CEP97: variants seen among roughly 807,000 people sequenced by gnomAD.
The protein encoded by CEP97 is centrosomal protein 97, also known as centrosomal protein of 97 kDa.
In CEP97, 43 loss-of-function variants were observed where a neutral mutation model predicts 73.1. The ratio of observed to expected loss-of-function variants is 0.59; its 90% CI spans 0.46 to 0.76. The LOEUF (loss-of-function observed/expected upper bound fraction) is 0.76, where lower values mean the gene tolerates loss of function less well. Ranked by LOEUF, CEP97 falls within the 30% of genes least tolerant of loss-of-function variation. The pLI, the probability that CEP97 is intolerant of heterozygous loss-of-function variation, is 0.00. For missense variants in CEP97, 939 were observed against 1,014.0 expected (o/e 0.93, Z 1.00); for synonymous variants, 337 against 370.0 (o/e 0.91, Z 1.02).
chr3:101,754,763 A>G (rs1938956602), intron 6 of CEP97, among the ~76,000 whole-genome samples: 1 of 152,168 alleles, frequency 6.6e-6, no homozygotes, highest in Admixed American at 6.5e-5. Context: ...TGAAGAAGTC[A>G]GAGTATTTGT....
At chr3:101,762,240 G>A (rs566374471) in intron 9 of CEP97, among the ~76,000 whole-genome samples, 17 of 151,958 alleles carry the variant, frequency 1.1e-4, no homozygotes, top group Admixed American at 4.6e-4. Context: ...TATCTCCTTT[G>A]GCTTCTACTT....
chr3:101,760,358 T>C (rs1324908307), intron 9 of CEP97, among the ~76,000 whole-genome samples: 1 of 152,076 alleles, frequency 6.6e-6, no homozygotes, highest in Non-Finnish European at 1.5e-5. Context: ...TGCTTAAAAG[T>C]GCAAAACAAT....
intron 6 of CEP97, among the ~76,000 whole-genome samples, chr3:101,737,840 A>G (rs13062444): frequency 0.25 from 38,208 of 151,896 alleles, 6,001 homozygotes; most frequent in Non-Finnish European, 0.34. Context: ...ACACATAACA[A>G]TATTAACCTT....
rs138660878 is a variant in CEP97, at chr3:101,755,587, A to C, written c.886A>C (p.Lys296Gln). The C allele has an allele frequency of 6.2e-7, 1 of 1,614,090 alleles. No homozygotes were observed. Among genetic ancestry groups the C allele is most frequent in the African/African-American group, 1.3e-5 (1 of 75,062 alleles). Residue 296 changes from lysine (K) to glutamine (Q), a missense_variant, in exon 7 of 11, where the codon AAA becomes CAA. Physicochemically the swap from Lys to Gln is moderately conservative, Grantham distance 53. Coordinates refer to ENST00000341893, the MANE Select transcript of CEP97 (RefSeq NM_024548.4). ...EDAKLEKILS[K>Q]QRFHQRQLMN... Reference sequence around the variant, plus strand: ...TGCCAAACTAGAGAAGATTTTGAGCAAACAGAGGTAAGCCCATTTATTTCT... The same window carrying C: ...TGCCAAACTAGAGAAGATTTTGAGCCAACAGAGGTAAGCCCATTTATTTCT...
chr3:101,767,860 G>C lies in CEP97; in HGVS notation c.*2309G>C, dbSNP rs1478896721. The C allele has an allele frequency of 6.6e-6, 1 of 152,136 alleles. No homozygotes were observed. The highest frequency in any genetic ancestry group is 1.5e-5 in the Non-Finnish European group (1 of 68,038). 9.4% of individuals were successfully genotyped at this position (152,136 alleles called of 1,614,324 possible). A position where few individuals can be genotyped will look rare whatever the true frequency, so the allele number is the denominator to read the frequency against. ...GATAAAATGAAAATACTGTAAATTAGAGTGTAGGAAAACTGGCATAGAGTT... is the reference window on the plus strand; with the variant it reads ...GATAAAATGAAAATACTGTAAATTACAGTGTAGGAAAACTGGCATAGAGTT... On this transcript the variant is annotated 3_prime_UTR_variant, in exon 11 of 11. Coordinates refer to ENST00000341893, the MANE Select transcript of CEP97 (RefSeq NM_024548.4).
At position 101,724,651 on chromosome 3, in the gene CEP97, C is replaced by G. The variant is rs113730099; in HGVS notation, c.-26C>G. The stretch of plus-strand genomic sequence containing the variant: ...CCACAGAGCCGCGGGAGGACGGTTG[C>G]CTGGTATTATTAGCAAGCAGCAAAT... On this transcript the variant is annotated 5_prime_UTR_variant, in exon 1 of 11. Coordinates refer to ENST00000341893, the MANE Select transcript of CEP97 (RefSeq NM_024548.4). 1 of 1,614,086 alleles carries G rather than the reference C, an allele frequency of 6.2e-7. No individual in the cohort carries two copies. The highest frequency in any genetic ancestry group is 8.5e-7 in the Non-Finnish European group (1 of 1,179,960).
chr3:101,733,600 G>A (rs1427961547), intron 6 of CEP97, among the ~76,000 whole-genome samples: 1 of 149,052 alleles, frequency 6.7e-6, no homozygotes, highest in African/African-American at 2.5e-5. Context: ...GCGGGATCTC[G>A]GCTCACTGCA....
At chr3:101,753,629 T>G (rs2722165) in intron 6 of CEP97, among the ~76,000 whole-genome samples, 1 of 152,134 alleles carries the variant, frequency 6.6e-6, no homozygotes, top group Non-Finnish European at 1.5e-5. Flanking sequence ...CCCCCAGCCT[T>G]GCTGCTGCCT....
chr3:101,740,978 CA>C (rs1560012349), intron 6 of CEP97, among the ~76,000 whole-genome samples: 1 of 152,132 alleles, frequency 6.6e-6, no homozygotes, highest in East Asian at 1.9e-4. Flanking sequence ...CAATCCTAAG[CA>C]AAAAGAACAA....
rs758015252 is a variant in CEP97, at chr3:101,765,503, A to G, written c.2550A>G (p.Pro850=). Reference sequence around the variant, plus strand: ...ATGCAGAAGTTCAGGGGCAGCAGCCAGAATGTGATTCTACATTTCAGCTAT... The same window carrying G: ...ATGCAGAAGTTCAGGGGCAGCAGCCGGAATGTGATTCTACATTTCAGCTAT... ...KLNAEVQGQQ[P]ECDSTFQLLH... Residue 850 remains proline, a synonymous_variant, in exon 11 of 11, where the codon CCA becomes CCG. Coordinates refer to ENST00000341893, the MANE Select transcript of CEP97 (RefSeq NM_024548.4). 1 of 1,613,970 alleles carries G rather than the reference A, an allele frequency of 6.2e-7. No individual in the cohort carries two copies. Among genetic ancestry groups the G allele is most frequent in the Non-Finnish European group, 8.5e-7 (1 of 1,179,852 alleles).
chr3:101,753,698 C>T (rs2107177292), intron 6 of CEP97, among the ~76,000 whole-genome samples: 1 of 152,320 alleles, frequency 6.6e-6, no homozygotes, highest in African/African-American at 2.4e-5. Context: ...GGCGTAGGAC[C>T]CTCCGAGCCA....
intron 6 of CEP97, among the ~76,000 whole-genome samples, chr3:101,734,328 G>C (rs1316551837): frequency 6.6e-6 from 1 of 152,346 alleles, no homozygotes; most frequent in East Asian, 1.9e-4. Flanking sequence ...GGGATAGTGA[G>C]AGTTGAGATG....
chr3:101,765,138 G>A lies in CEP97; in HGVS notation c.2185G>A (p.Glu729Lys). Residue 729 changes from glutamate (E) to lysine (K), a missense_variant, in exon 11 of 11, where the codon GAA (glutamate) becomes AAA (lysine). Physicochemically the swap from Glu to Lys is moderately conservative, Grantham distance 56. Coordinates refer to ENST00000341893, the MANE Select transcript of CEP97 (RefSeq NM_024548.4). Reference sequence around the variant, plus strand: ...TGAGAAAAGTTCCACAGAAGGCAGTGAAAGCTCCATAATGGGGAATTCCAT... The same window carrying A: ...TGAGAAAAGTTCCACAGAAGGCAGTAAAAGCTCCATAATGGGGAATTCCAT... ...DFEKSSTEGSESSIMGNSIDT... is the reference protein window; with the variant it reads ...DFEKSSTEGSKSSIMGNSIDT... 6.2e-7 allele frequency: 1 copy of A among 1,614,200 alleles called. No individual in the cohort carries two copies. The highest frequency in any genetic ancestry group is 1.1e-5 in the South Asian group (1 of 91,080).
At chr3:101,756,001 A>G (rs1001554718) in intron 7 of CEP97, among the ~76,000 whole-genome samples, 3 of 151,980 alleles carry the variant, frequency 2.0e-5, no homozygotes, top group African/African-American at 7.3e-5. Context: ...CTAAAGTGCT[A>G]GGATAATAGG....
chr3:101,738,999 C>T (rs922235812), intron 6 of CEP97, among the ~76,000 whole-genome samples: 2 of 152,088 alleles, frequency 1.3e-5, no homozygotes, highest in Admixed American at 1.3e-4. Context: ...AGCATATCAC[C>T]GTTGATCCCA....
intron 7 of CEP97, 105 bp downstream of exon 7, chr3:101,755,699 T>G: frequency 1.8e-6 from 2 of 1,096,228 alleles, no homozygotes; most frequent in Admixed American, 3.7e-5. Context: ...GGCCCACATT[T>G]CTGGACACTC....
intron 6 of CEP97, among the ~76,000 whole-genome samples, chr3:101,754,370 A>G (rs1938946311): frequency 6.6e-6 from 1 of 152,230 alleles, no homozygotes; most frequent in African/African-American, 2.4e-5. Flanking sequence ...GTGCCCTAAT[A>G]TCAGATATTC....
At chr3:101,726,282 A>G (rs35117343) in intron 1 of CEP97, among the ~76,000 whole-genome samples, 47,965 of 152,078 alleles carry the variant, frequency 0.32, 7,785 homozygotes, top group Non-Finnish European at 0.35. Context: ...AAACAATAGT[A>G]TCATTACTTA....
In CEP97 at chr3:101,757,909, G is replaced by A. The variant is rs1307826966; in HGVS notation, c.1303G>A (p.Val435Ile). Residue 435 changes from valine (V) to isoleucine (I), a missense_variant, in exon 9 of 11, where the codon GTT becomes ATT. Transcript: ENST00000341893. The stretch of plus-strand genomic sequence containing the variant: ...TAACTTGGGCCTAGAAGATGATGGT[G>A]TTGCAGATGAATCTGTGAAAGGGCT... Reference protein sequence around the residue: ...GINLGLEDDGVADESVKGLES... With the variant: ...GINLGLEDDGIADESVKGLES... The A allele has an allele frequency of 6.2e-7, 1 of 1,614,232 alleles. No homozygotes were observed. Among genetic ancestry groups the A allele is most frequent in the South Asian group, 1.1e-5 (1 of 91,088 alleles).
Sources: gnomAD v4.1 joint callset for allele counts (sites outside exome capture counted in the v4.1 genomes callset) on GRCh38, gnomAD v4.1.1 for gene constraint, MANE v1.5 for transcripts, NCBI Gene and HGNC (gene_info 2026-07-23, HGNC 2026-07-21) for gene names.